PTDSS2: variants seen among roughly 807,000 people sequenced by gnomAD.
PTDSS2 encodes phosphatidylserine synthase 2.
Under a neutral mutation model 64.7 loss-of-function variants are expected in PTDSS2, and 41 were observed. That is an observed-to-expected ratio of 0.63 (90% CI 0.49 to 0.82). The LOEUF (loss-of-function observed/expected upper bound fraction) is 0.82. Ranked by LOEUF, PTDSS2 falls within the 40% of genes least tolerant of loss-of-function variation. The pLI is 0.00. For missense variants in PTDSS2, 485 were observed against 650.0 expected, an observed-to-expected ratio of 0.75 and a Z score of 2.76; for synonymous variants, 297 against 277.8, an observed-to-expected ratio of 1.07 and a Z score of -0.69.
In PTDSS2 at chr11:490,824, A is replaced by G. The variant is rs552803629; in HGVS notation, c.*242A>G. The G allele has an allele frequency of 1.1e-3, 415 of 376,520 alleles. 1 individual carries two copies. The highest frequency in any genetic ancestry group is 8.7e-3 in the African/African-American group (366 of 41,962). 23.3% of individuals were successfully genotyped at this position (376,520 alleles called of 1,614,324 possible). A position where few individuals can be genotyped will look rare whatever the true frequency, so the allele number is the denominator to read the frequency against. ...CGCGTGTGTACGCGCGTGTGTACAC[A>G]TGCGTGGCCGCCTGTGGTGTGCACG... On this transcript the variant is annotated 3_prime_UTR_variant, in exon 12 of 12. Transcript: ENST00000308020.
At chr11:485,565 TCAC>T in intron 4 of PTDSS2, among the ~76,000 whole-genome samples, 1 of 81,204 alleles carries the variant, frequency 1.2e-5, no homozygotes, top group African/African-American at 5.9e-5. Flanking sequence ...GCGCGTGTGC[TCAC>T]CGTGTGCGCA....
chr11:450,769 G>A (rs117511007), intron 1 of PTDSS2, 132 bp downstream of exon 1: 31,536 of 830,274 alleles, frequency 0.038, 1,024 homozygotes, highest in East Asian at 0.16. Context: ...GGGGTTTGAG[G>A]GTGTGGCAGC....
At chr11:478,157 C>A (rs191016004) in intron 3 of PTDSS2, among the ~76,000 whole-genome samples, 1 of 152,124 alleles carries the variant, frequency 6.6e-6, no homozygotes, top group African/African-American at 2.4e-5. Flanking sequence ...AAAAATTGAT[C>A]CCCTTAAATG....
In PTDSS2 at chr11:488,674, G is replaced by A. The variant is rs780076115; in HGVS notation, c.854+27G>A. 2.2e-5 allele frequency: 34 copies of A among 1,545,244 alleles called. No homozygotes were observed. The South Asian group carries it at 3.6e-4, about 16-fold the overall frequency. On this transcript the variant is annotated intron_variant, in intron 8 of 11. Coordinates refer to ENST00000308020, the MANE Select transcript of PTDSS2 (RefSeq NM_030783.3). Reference sequence around the variant, plus strand: ...TACGTCGTGGGGGCTGCGAGGGCAGGGCCGGGTGGGGGTTACCTGGAGGCA... The same window carrying A: ...TACGTCGTGGGGGCTGCGAGGGCAGAGCCGGGTGGGGGTTACCTGGAGGCA...
Position 450,367 on chromosome 11 carries a change from C to T in PTDSS2, c.-89C>T, listed in dbSNP as rs1846258689. ...GCGCCGCGACCCCTTCCCAGCGCTC[C>T]TCGCGCTGTGTGCGGCGCGTCCTCT... On this transcript the variant is annotated 5_prime_UTR_variant, in exon 1 of 12. Transcript: ENST00000308020. 1 of 1,145,220 alleles carries T rather than the reference C, an allele frequency of 8.7e-7. No individual in the cohort carries two copies. Among genetic ancestry groups the T allele is most frequent in the Non-Finnish European group, 1.1e-6 (1 of 913,790 alleles). The allele number at this position is 1,145,220 out of a possible 1,614,324, so 70.9% of individuals were successfully genotyped here.
Position 479,754 on chromosome 11 carries a change from G to C in PTDSS2, c.435+602G>C, listed in dbSNP as rs368641176. Among the ~76,000 whole-genome samples, 1 of 152,176 alleles carries C rather than the reference G, an allele frequency of 6.6e-6. No individual in the cohort carries two copies. Among genetic ancestry groups the C allele is most frequent in the Non-Finnish European group, 1.5e-5 (1 of 68,030 alleles). ...GACGAGCAGGGTGCAGGTGGGAGACGCAGCTCCTTTGTAAATCCTGGGTCA... is the reference window on the plus strand; with the variant it reads ...GACGAGCAGGGTGCAGGTGGGAGACCCAGCTCCTTTGTAAATCCTGGGTCA... On this transcript the variant is annotated intron_variant, in intron 4 of 11. Transcript: ENST00000308020. This position sits in a 1 kb window ranked among gnomAD's most constrained non-coding sequence, Gnocchi z 4.2.
At chr11:468,784 T>C (rs568686659) in intron 2 of PTDSS2, among the ~76,000 whole-genome samples, 2 of 141,554 alleles carry the variant, frequency 1.4e-5, no homozygotes, top group Admixed American at 7.0e-5. Flanking sequence ...CTCTGGGTAA[T>C]TGGAGGAGGG....
chr11:485,700 C>CCG (rs1848330866), intron 4 of PTDSS2, among the ~76,000 whole-genome samples: 1 of 112,038 alleles, frequency 8.9e-6, no homozygotes, highest in Non-Finnish European at 1.9e-5. Context: ...TGTGTGCTCA[C>CCG]TGCGCAGGCG....
chr11:450,708 G>C (rs931675967), intron 1 of PTDSS2, 71 bp downstream of exon 1: 2 of 1,203,718 alleles, frequency 1.7e-6, no homozygotes, highest in African/African-American at 3.2e-5. Context: ...CGCTGGCCTG[G>C]GGGTCCCCGG....
intron 1 of PTDSS2, 199 bp from the exon 2 acceptor site, chr11:459,988 C>G: frequency 1.7e-6 from 1 of 573,164 alleles, no homozygotes; most frequent in East Asian, 3.0e-5. Context: ...GGGGGCTGGT[C>G]TCAGCCCTGA....
At chr11:459,033 TAGGA>T (rs1846735196) in intron 1 of PTDSS2, 2 of 151,560 alleles carry the variant, frequency 1.3e-5, no homozygotes, top group African/African-American at 4.9e-5. Context: ...CCAGTGGATG[TAGGA>T]CCTGGGTTAG....
chr11:458,273 C>T (rs1286323900), intron 1 of PTDSS2, among the ~76,000 whole-genome samples: 3 of 148,538 alleles, frequency 2.0e-5, no homozygotes, highest in Non-Finnish European at 4.4e-5. Flanking sequence ...GGCGCGATCT[C>T]GGCTCACTGC....
Position 460,101 on chromosome 11 carries a change from GTA to G in PTDSS2, c.183-85_183-84del. On this transcript the variant is annotated intron_variant, in intron 1 of 11. Transcript: ENST00000308020. This position sits in a 1 kb window ranked among gnomAD's most constrained non-coding sequence, Gnocchi z 5.8. The stretch of plus-strand genomic sequence containing the variant: ...GTGGAGTTTAAGCCCTCTCCTTGAC[GTA>G]GAGAGGATTTGGGGCCTGTTACGTG... The G allele has an allele frequency of 9.6e-7, 1 of 1,039,110 alleles. No homozygotes were observed. Among genetic ancestry groups the G allele is most frequent in the Non-Finnish European group, 1.5e-6 (1 of 675,278 alleles). 64.4% of individuals were successfully genotyped at this position (1,039,110 alleles called of 1,614,324 possible).
intron 3 of PTDSS2, among the ~76,000 whole-genome samples, chr11:478,083 G>A (rs1026616328): frequency 6.6e-6 from 1 of 152,206 alleles, no homozygotes; most frequent in Admixed American, 6.5e-5. Flanking sequence ...GCCGTGGGAA[G>A]TCAGGAATTG....
At chr11:449,232 C>T (rs7101861), upstream of PTDSS2, among the ~76,000 whole-genome samples, 745 of 152,238 alleles carry the variant, frequency 4.9e-3, 7 homozygotes, top group African/African-American at 0.017. Flanking sequence ...AATGCCAGGG[C>T]AATTTTTGTA....
At chr11:471,177 C>CCT (rs1453139770) in intron 2 of PTDSS2, among the ~76,000 whole-genome samples, 1 of 150,070 alleles carries the variant, frequency 6.7e-6, no homozygotes, top group Non-Finnish European at 1.5e-5. Context: ...CTCACTGCAA[C>CCT]CTCTACCTCC....
At position 479,684 on chromosome 11, in the gene PTDSS2, G is replaced by A. The variant is rs935628732; in HGVS notation, c.435+532G>A. 1.3e-5 allele frequency among the ~76,000 whole-genome samples: 2 copies of A among 152,170 alleles called. No homozygotes were observed. Among genetic ancestry groups the A allele is most frequent in the Non-Finnish European group, 2.9e-5 (2 of 68,040 alleles). ...TGTTTTTGTGTTTTGTGGTTGACCA[G>A]TGTGACTGTGTGTGCTTCTTCCCCA... On this transcript the variant is annotated intron_variant, in intron 4 of 11. Coordinates refer to ENST00000308020, the MANE Select transcript of PTDSS2 (RefSeq NM_030783.3). This position sits in a 1 kb window ranked among gnomAD's most constrained non-coding sequence, Gnocchi z 4.2.
chr11:471,686 G>A (rs977039106), intron 2 of PTDSS2, among the ~76,000 whole-genome samples: 4 of 149,198 alleles, frequency 2.7e-5, no homozygotes, highest in South Asian at 2.1e-4. Context: ...GGGGTGACGC[G>A]CGCCTGTCGG....
intron 11 of PTDSS2, 79 bp downstream of exon 11, chr11:490,147 G>C: frequency 2.8e-6 from 4 of 1,416,510 alleles, no homozygotes; most frequent in Non-Finnish European, 3.8e-6. Context: ...TGGGAGTTTG[G>C]TGTCGTTGGT....
Sources: gnomAD v4.1 joint callset for allele counts (sites outside exome capture counted in the v4.1 genomes callset) on GRCh38, gnomAD v4.1.1 for gene constraint, Gnocchi (gnomAD v3.1) non-coding constraint, MANE v1.5 for transcripts, NCBI Gene and HGNC (gene_info 2026-07-23, HGNC 2026-07-21) for gene names.